SGIP1: variants seen among roughly 807,000 people sequenced by gnomAD.
The protein encoded by SGIP1 is SH3-containing GRB2-like protein 3-interacting protein 1.
Under a neutral mutation model 107.5 loss-of-function variants are expected in SGIP1, and 38 were observed. The ratio of observed to expected loss-of-function variants is 0.35; its 90% CI spans 0.27 to 0.46. The LOEUF (loss-of-function observed/expected upper bound fraction) is 0.46. Among genes scored for constraint, SGIP1 ranks in the 20% least tolerant of loss-of-function variants. The pLI, the probability that SGIP1 is intolerant of heterozygous loss-of-function variation, is 1.00. For missense variants in SGIP1, 929 were observed against 1,019.5 expected (o/e 0.91, Z 1.21); for synonymous variants, 365 against 366.1 (o/e 1.00, Z 0.03).
intron 1 of SGIP1, among the ~76,000 whole-genome samples, chr1:66,552,091 C>T (rs2148287149): frequency 6.6e-6 from 1 of 152,210 alleles, no homozygotes; most frequent in South Asian, 2.1e-4. Flanking sequence ...AGGATGGGAC[C>T]ACCGGGTCCT....
At chr1:66,628,913 C>T (rs1053297061) in intron 2 of SGIP1, among the ~76,000 whole-genome samples, 1 of 152,202 alleles carries the variant, frequency 6.6e-6, no homozygotes, top group African/African-American at 2.4e-5. Context: ...CTGGTTCCAC[C>T]ATCAGTGATG....
At position 66,682,993 on chromosome 1, in the gene SGIP1, A is replaced by C. The variant is rs937728877; in HGVS notation, c.1315+624A>C. Among the ~76,000 whole-genome samples, 4 of 152,316 alleles carry C rather than the reference A, an allele frequency of 2.6e-5. No homozygotes were observed. In the South Asian group the frequency reaches 8.3e-4, roughly 32 times the overall value. On this transcript the variant is annotated intron_variant, in intron 15 of 24. Transcript: ENST00000371037. ...ATCCAATCAAGCTGTCACTGAAGACAAACTTGATCTCTGTTCTCACCAGTT... is the reference window on the plus strand; with the variant it reads ...ATCCAATCAAGCTGTCACTGAAGACCAACTTGATCTCTGTTCTCACCAGTT...
chr1:66,540,981 A>G (rs1206698117), intron 1 of SGIP1, among the ~76,000 whole-genome samples: 1 of 152,076 alleles, frequency 6.6e-6, no homozygotes, highest in East Asian at 1.9e-4. Flanking sequence ...CTAATGACTG[A>G]CTCCTTTTCC....
At chr1:66,693,586 AC>A (rs1450533056) in intron 17 of SGIP1, among the ~76,000 whole-genome samples, 2 of 152,154 alleles carry the variant, frequency 1.3e-5, no homozygotes, top group Admixed American at 1.3e-4. Flanking sequence ...TGGTCTTTGT[AC>A]AGATTTTATT....
chr1:66,749,748 GA>G lies in SGIP1; in HGVS notation c.*6655del, dbSNP rs1421362876. On this transcript the variant is annotated 3_prime_UTR_variant, in exon 25 of 25. Transcript: ENST00000371037. The stretch of plus-strand genomic sequence containing the variant: ...TCATTCAGTTTTACATTACTTTTAT[GA>G]ATTTTTTTTCTCGCAAAGTAAATGC... Among the ~76,000 whole-genome samples, 5 of 151,966 alleles carry G rather than the reference GA, an allele frequency of 3.3e-5. No homozygotes were observed. Among genetic ancestry groups the G allele is most frequent in the Admixed American group, 2.6e-4 (4 of 15,278 alleles).
rs150914016 is a variant in SGIP1, at chr1:66,716,135, C to CACT, written c.1631-3156_1631-3154dup. Among the ~76,000 whole-genome samples, 286 of 152,218 alleles carry CACT rather than the reference C, an allele frequency of 1.9e-3. 11 individuals carry two copies. The East Asian group carries it at 0.048, about 26-fold the overall frequency. On this transcript the variant is annotated intron_variant, in intron 18 of 24. Coordinates refer to ENST00000371037, the MANE Select transcript of SGIP1 (RefSeq NM_032291.4). ...TGATGCTAAATCCCATGCTCTTAGC[C>CACT]ACTACCATGTGCCATTTCTGAGCAC... is the stretch of plus-strand genomic sequence containing the variant.
At chr1:66,620,897 C>T (rs540366818) in intron 1 of SGIP1, among the ~76,000 whole-genome samples, 1 of 152,306 alleles carries the variant, frequency 6.6e-6, no homozygotes, top group South Asian at 2.1e-4. Context: ...GCCTTATTTG[C>T]AGTTTGAAAA....
In SGIP1 at chr1:66,750,362, A is replaced by G. The variant is rs1471418228; in HGVS notation, c.*7267A>G. Among the ~76,000 whole-genome samples the G allele has an allele frequency of 6.6e-6, 1 of 152,132 alleles. No homozygotes were observed. The highest frequency in any genetic ancestry group is 1.5e-5 in the Non-Finnish European group (1 of 68,016). ...CATGTAAGGCATTGATTTTTTTTAAACTTGAACAATGCAAGAATCTAGGAA... is the reference window on the plus strand; with the variant it reads ...CATGTAAGGCATTGATTTTTTTTAAGCTTGAACAATGCAAGAATCTAGGAA... On this transcript the variant is annotated 3_prime_UTR_variant, in exon 25 of 25. Coordinates refer to ENST00000371037, the MANE Select transcript of SGIP1 (RefSeq NM_032291.4).
intron 1 of SGIP1, among the ~76,000 whole-genome samples, chr1:66,573,612 C>A (rs1490562205): frequency 1.3e-5 from 2 of 152,042 alleles, no homozygotes; most frequent in East Asian, 3.9e-4. Flanking sequence ...TTTGCAGGAA[C>A]CTGAATGGAG....
intron 2 of SGIP1, chr1:66,626,231 T>C (rs1280331099): frequency 2.2e-5 from 4 of 178,152 alleles, no homozygotes; most frequent in African/African-American, 9.8e-5. Flanking sequence ...ATAAAAATAA[T>C]TCATTTCCAC....
At chr1:66,633,916 G>T (rs1227477773) in intron 3 of SGIP1, among the ~76,000 whole-genome samples, 1 of 152,036 alleles carries the variant, frequency 6.6e-6, no homozygotes, top group Non-Finnish European at 1.5e-5. Context: ...CATAAACTGG[G>T]GTGTTAATTG....
intron 21 of SGIP1, among the ~76,000 whole-genome samples, chr1:66,736,535 G>A (rs1233761400): frequency 1.3e-4 from 1 of 7,602 alleles, no homozygotes. Flanking sequence ...AATATATTGC[G>A]TATTATATGT....
intron 19 of SGIP1, among the ~76,000 whole-genome samples, chr1:66,724,904 C>A (rs2093689093): frequency 6.6e-6 from 1 of 152,172 alleles, no homozygotes; most frequent in Non-Finnish European, 1.5e-5. Flanking sequence ...GTGCTGAAAT[C>A]TAATTTTATA....
At chr1:66,714,902 C>G (rs1232226779) in intron 18 of SGIP1, among the ~76,000 whole-genome samples, 1 of 152,110 alleles carries the variant, frequency 6.6e-6, no homozygotes, top group East Asian at 1.9e-4. Flanking sequence ...ATCTTGGACA[C>G]TTTTCTGGTT....
intron 4 of SGIP1, among the ~76,000 whole-genome samples, chr1:66,637,050 A>G (rs983124552): frequency 6.6e-5 from 10 of 152,078 alleles, no homozygotes; most frequent in Non-Finnish European, 2.9e-5. Context: ...AGAAATACAA[A>G]AAAAAAGGAA....
chr1:66,625,741 C>T, intron 1 of SGIP1, 106 bp from the exon 2 acceptor site: 2 of 933,614 alleles, frequency 2.1e-6, no homozygotes, highest in Non-Finnish European at 1.6e-6. Flanking sequence ...TCAGAAACTT[C>T]ATTGCTTTCT....
At chr1:66,681,735 T>C in intron 14 of SGIP1, 134 bp from the exon 15 acceptor site, 1 of 833,052 alleles carries the variant, frequency 1.2e-6, no homozygotes, top group Non-Finnish European at 1.9e-6. Context: ...CCAATAAAGA[T>C]ATTTTTACAT....
At position 66,699,893 on chromosome 1, in the gene SGIP1, G is replaced by T. The variant is rs568069463; in HGVS notation, c.1630+4400G>T. On this transcript the variant is annotated intron_variant, in intron 18 of 24. Transcript: ENST00000371037. ...AGTGAGGGTTGCAGTTTTAAATTGG[G>T]GAATTTGAGGTTGAAAAATGAAAAA... is the stretch of plus-strand genomic sequence containing the variant. 4.3e-4 allele frequency among the ~76,000 whole-genome samples: 66 copies of T among 151,964 alleles called. 2 individuals carry two copies. Among genetic ancestry groups the T allele is most frequent in the African/African-American group, 1.6e-3 (66 of 41,432 alleles).
At chr1:66,603,357 T>C (rs1391397345) in intron 1 of SGIP1, among the ~76,000 whole-genome samples, 1 of 152,182 alleles carries the variant, frequency 6.6e-6, no homozygotes, top group Admixed American at 6.5e-5. Flanking sequence ...CCATACTTTC[T>C]GAGTGACAGA....
Sources: allele counts gnomAD v4.1 joint callset (sites outside exome capture counted in the v4.1 genomes callset), GRCh38; gene constraint gnomAD v4.1.1; transcripts MANE v1.5; gene names NCBI Gene and HGNC (gene_info 2026-07-23, HGNC 2026-07-21).